DTNBP1: variants seen among roughly 807,000 people sequenced by gnomAD.
DTNBP1 encodes the protein dysbindin.
In DTNBP1, 35 loss-of-function variants were observed where a neutral mutation model predicts 42.8. The ratio of observed to expected loss-of-function variants is 0.82; its 90% CI spans 0.63 to 1.09. DTNBP1 has a LOEUF of 1.09. Among genes scored for constraint, DTNBP1 ranks in the 50% least tolerant of loss-of-function variants. The pLI is 0.00. For synonymous variants in DTNBP1, 171 were observed against 162.2 expected, an observed-to-expected ratio of 1.05 and a Z score of -0.41; for missense variants, 457 against 424.2, an observed-to-expected ratio of 1.08 and a Z score of -0.68.
rs529395446 is a variant in DTNBP1 at position 15,660,293 on chromosome 6, G to A, written c.56+2521C>T. The A allele has an allele frequency of 3.3e-4, 409 of 1,222,614 alleles. 2 individuals carry two copies. The highest frequency in any genetic ancestry group is 3.1e-3 in the South Asian group (243 of 79,618). 75.7% of individuals were successfully genotyped at this position (1,222,614 alleles called of 1,614,324 possible). On this transcript the variant is annotated intron_variant, in intron 1 of 9. Coordinates refer to ENST00000344537, the MANE Select transcript of DTNBP1 (RefSeq NM_032122.5). ...TTTAGCGTCATCTTTTCTCCTCAAG[G>A]CAAAAATAATCAGTTATGTAAAGGA... is the stretch of plus-strand genomic sequence containing the variant.
intron 7 of DTNBP1, among the ~76,000 whole-genome samples, chr6:15,535,785 T>C (rs1773194607): frequency 6.6e-6 from 1 of 152,160 alleles, no homozygotes; most frequent in Non-Finnish European, 1.5e-5. Flanking sequence ...CAGGAAGATA[T>C]GGGAAACTCT....
intron 7 of DTNBP1, chr6:15,548,196 A>T (rs1017599202): frequency 6.6e-6 from 1 of 152,242 alleles, no homozygotes; most frequent in Non-Finnish European, 1.5e-5. Context: ...AAAATTGGTC[A>T]TCTTTGACAG....
intron 6 of DTNBP1, among the ~76,000 whole-genome samples, chr6:15,612,940 A>C (rs1329166618): frequency 6.6e-6 from 1 of 152,180 alleles, no homozygotes; most frequent in Non-Finnish European, 1.5e-5. Context: ...TCTTAAGGGA[A>C]GTTCCTCTTT....
rs201229929 is a variant in DTNBP1, at chr6:15,533,201, C to A, written c.667+39G>T. 580 of 1,610,796 alleles carry A rather than the reference C, an allele frequency of 3.6e-4. 1 individual carries two copies. Among genetic ancestry groups the A allele is most frequent in the Non-Finnish European group, 4.3e-4 (512 of 1,179,852 alleles). ...GGGGTCCATCGCCACCCCGCACAGC[C>A]GGTGAGTCCCCACACCAGCAGCCCC... is the stretch of plus-strand genomic sequence containing the variant. On this transcript the variant is annotated intron_variant, in intron 8 of 9. Coordinates refer to ENST00000344537, the MANE Select transcript of DTNBP1 (RefSeq NM_032122.5).
intron 5 of DTNBP1, among the ~76,000 whole-genome samples, chr6:15,621,969 A>G (rs2113722436): frequency 6.6e-6 from 1 of 152,276 alleles, no homozygotes; most frequent in South Asian, 2.1e-4. Context: ...ATATCATCCA[A>G]CCAGTTGTGT....
At chr6:15,559,879 C>T (rs1988856) in intron 7 of DTNBP1, among the ~76,000 whole-genome samples, 127,845 of 152,196 alleles carry the variant, frequency 0.84, 54,330 homozygotes, top group East Asian at 1. Flanking sequence ...GGAAAACACT[C>T]CCACAACCAG....
chr6:15,637,294 C>T (rs1210133449), intron 4 of DTNBP1, among the ~76,000 whole-genome samples: 1 of 151,944 alleles, frequency 6.6e-6, no homozygotes, highest in Non-Finnish European at 1.5e-5. Flanking sequence ...TGAGGATGAC[C>T]CCTGAAATTT....
chr6:15,523,771 G>A, intron 9 of DTNBP1: 10 of 1,287,236 alleles, frequency 7.8e-6, no homozygotes, highest in Non-Finnish European at 1.0e-5. Flanking sequence ...GCCTTCTCAG[G>A]ATGAGGGCAA....
chr6:15,579,516 T>C (rs1775729011), intron 7 of DTNBP1, among the ~76,000 whole-genome samples: 1 of 152,144 alleles, frequency 6.6e-6, no homozygotes, highest in Non-Finnish European at 1.5e-5. Flanking sequence ...GCTATAAAAG[T>C]GGATTTTGGC....
Position 15,524,698 on chromosome 6 carries a change from A to G in DTNBP1, c.668-29T>C, listed in dbSNP as rs1772241860. The G allele has an allele frequency of 1.9e-6, 3 of 1,609,232 alleles. No individual in the cohort carries two copies. In the South Asian group the frequency reaches 3.3e-5, roughly 18 times the overall value. ...CGGATAGATCAACACGAGAAAGGAC[A>G]CGCTGTCTTTAATATTACTTTAAAA... On this transcript the variant is annotated intron_variant, in intron 8 of 9. Transcript: ENST00000344537.
intron 7 of DTNBP1, among the ~76,000 whole-genome samples, chr6:15,591,667 T>C (rs550664429): frequency 2.0e-5 from 3 of 152,236 alleles, no homozygotes; most frequent in Non-Finnish European, 4.4e-5. Context: ...CAAACTGCTA[T>C]TCTCTTCTTT....
At chr6:15,525,187 G>T (rs935556255) in intron 8 of DTNBP1, among the ~76,000 whole-genome samples, 4 of 152,334 alleles carry the variant, frequency 2.6e-5, no homozygotes, top group African/African-American at 9.6e-5. Context: ...TCCCTGCAGT[G>T]GAAGCACAGA....
At chr6:15,579,885 T>TTACACATTACA in intron 7 of DTNBP1, 1 of 455,516 alleles carries the variant, frequency 2.2e-6, no homozygotes, top group Non-Finnish European at 4.4e-6. Flanking sequence ...GATATGCTAA[T>TTACACATTACA]TATCCTGATT....
intron 6 of DTNBP1, among the ~76,000 whole-genome samples, chr6:15,603,821 T>C (rs1330477766): frequency 2.6e-5 from 4 of 152,202 alleles, no homozygotes; most frequent in Non-Finnish European, 5.9e-5. Context: ...GTCCGACTAT[T>C]GGGAAGAGGC....
At chr6:15,555,189 G>A (rs552335642) in intron 7 of DTNBP1, among the ~76,000 whole-genome samples, 38 of 149,042 alleles carry the variant, frequency 2.5e-4, no homozygotes, top group Admixed American at 2.0e-3. Context: ...ACATAAATAC[G>A]CACACAAGAT....
At chr6:15,555,704 T>G (rs945149400) in intron 7 of DTNBP1, among the ~76,000 whole-genome samples, 1 of 152,222 alleles carries the variant, frequency 6.6e-6, no homozygotes, top group African/African-American at 2.4e-5. Flanking sequence ...TCCCCACCCC[T>G]TTCCCAAAAA....
At chr6:15,636,172 T>TTTTTTTTTTTTTTTA (rs1760006212) in intron 4 of DTNBP1, among the ~76,000 whole-genome samples, 3 of 85,190 alleles carry the variant, frequency 3.5e-5, no homozygotes, top group African/African-American at 1.8e-4. Flanking sequence ...TTTTTTTTTT[T>TTTTTTTTTTTTTTTA]GAGACAGAGT....
intron 4 of DTNBP1, among the ~76,000 whole-genome samples, chr6:15,632,569 T>C (rs912190877): frequency 6.6e-6 from 1 of 152,194 alleles, no homozygotes; most frequent in African/African-American, 2.4e-5. Flanking sequence ...TAAGAGAATT[T>C]AGCAAGATGG....
chr6:15,628,461 A>G (rs546986287), intron 4 of DTNBP1, among the ~76,000 whole-genome samples: 3 of 128,330 alleles, frequency 2.3e-5, no homozygotes, highest in South Asian at 2.4e-4. Context: ...GCTGGAGTGC[A>G]GTGGTGCTAT....
Sources: allele counts gnomAD v4.1 joint callset (sites outside exome capture counted in the v4.1 genomes callset), GRCh38; gene constraint gnomAD v4.1.1; transcripts MANE v1.5; gene names NCBI Gene and HGNC (gene_info 2026-07-23, HGNC 2026-07-21).